The following CTNNA1 variants were observed in gnomAD, a reference collection of about 807,000 sequenced individuals.
The protein encoded by CTNNA1 is catenin alpha 1, also known as catenin alpha-1.
In CTNNA1, 37 loss-of-function variants were observed where a neutral mutation model predicts 98.4. The ratio of observed to expected loss-of-function variants is 0.38; its 90% CI spans 0.29 to 0.49. CTNNA1 has a LOEUF of 0.49. CTNNA1 is among the 20% of genes least tolerant of loss of function. CTNNA1 has a pLI of 0.95. For synonymous variants in CTNNA1, 404 were observed against 413.2 expected (o/e 0.98, Z 0.27); for missense variants, 761 against 1,147.2 (o/e 0.66, Z 4.86).
At chr5:138,813,997 A>G (rs1381397671) in intron 5 of CTNNA1, among the ~76,000 whole-genome samples, 1 of 152,214 alleles carries the variant, frequency 6.6e-6, no homozygotes, top group African/African-American at 2.4e-5. Context: ...CATTAGTATT[A>G]AAAATCTATG....
chr5:138,934,451 G>A lies in CTNNA1; in HGVS notation c.*362G>A, dbSNP rs1188525884. On this transcript the variant is annotated 3_prime_UTR_variant, in exon 18 of 18. Coordinates refer to ENST00000302763, the MANE Select transcript of CTNNA1 (RefSeq NM_001903.5). ...AAGGGAATTTGGCTCAACTTCAGTT[G>A]AGAGGGTGCAGTCCAGACAGCTTGA... 4.1e-6 allele frequency: 1 copy of A among 244,646 alleles called. No individual in the cohort carries two copies. Among genetic ancestry groups the A allele is most frequent in the Non-Finnish European group, 7.9e-6 (1 of 126,796 alleles). The allele number at this position is 244,646 out of a possible 1,614,324, so 15.2% of individuals were successfully genotyped here.
At chr5:138,842,526 C>T (rs550602091) in intron 7 of CTNNA1, among the ~76,000 whole-genome samples, 1 of 152,234 alleles carries the variant, frequency 6.6e-6, no homozygotes, top group African/African-American at 2.4e-5. Flanking sequence ...CTCTCACCTC[C>T]CTCACCTTTT....
At chr5:138,876,600 A>T (rs1751604635) in intron 7 of CTNNA1, among the ~76,000 whole-genome samples, 1 of 152,196 alleles carries the variant, frequency 6.6e-6, no homozygotes, top group South Asian at 2.1e-4. Flanking sequence ...TATCATTGGC[A>T]CTTACCCTTT....
intron 7 of CTNNA1, among the ~76,000 whole-genome samples, chr5:138,867,559 C>T (rs1468140090): frequency 1.3e-5 from 2 of 151,994 alleles, no homozygotes; most frequent in African/African-American, 4.8e-5. Context: ...GGATTTCCTC[C>T]CACCTGTGAT....
intron 5 of CTNNA1, among the ~76,000 whole-genome samples, chr5:138,819,852 G>C (rs1475073002): frequency 4.0e-5 from 6 of 149,764 alleles, no homozygotes; most frequent in Non-Finnish European, 7.4e-5. Context: ...TTGGATTGGC[G>C]GGGGGCGGGG....
At chr5:138,817,312 C>G (rs752995603) in intron 5 of CTNNA1, among the ~76,000 whole-genome samples, 1 of 152,152 alleles carries the variant, frequency 6.6e-6, no homozygotes, top group Non-Finnish European at 1.5e-5. Context: ...CACTTGCTGT[C>G]TTTAGAATTT....
At chr5:138,882,210 G>C (rs1215363290) in intron 7 of CTNNA1, among the ~76,000 whole-genome samples, 1 of 152,188 alleles carries the variant, frequency 6.6e-6, no homozygotes, top group African/African-American at 2.4e-5. Flanking sequence ...TTGAACTTAG[G>C]GCTGAGGTTG....
chr5:138,851,758 A>AAAAT (rs1289136630), intron 7 of CTNNA1, among the ~76,000 whole-genome samples: 2 of 147,132 alleles, frequency 1.4e-5, no homozygotes, highest in Non-Finnish European at 1.5e-5. Flanking sequence ...ACTTCGTCTC[A>AAAAT]AAATAAATAA....
Position 138,873,797 on chromosome 5 carries a change from A to G in CTNNA1, c.1063-12415A>G, listed in dbSNP as rs1750946869. ...ATTTCCAGTCAGGTCTAGCTTTTCT[A>G]AAGTGCCCCAGGTCCACTCCATCCC... On this transcript the variant is annotated intron_variant, in intron 7 of 17. Coordinates refer to ENST00000302763, the MANE Select transcript of CTNNA1 (RefSeq NM_001903.5). This position sits in a 1 kb window ranked among gnomAD's most constrained non-coding sequence, Gnocchi z 6.1. The G allele has an allele frequency of 6.2e-7, 1 of 1,614,000 alleles. No homozygotes were observed. The highest frequency in any genetic ancestry group is 1.3e-5 in the African/African-American group (1 of 75,038).
intron 7 of CTNNA1, chr5:138,875,838 G>C: frequency 1.7e-6 from 1 of 577,004 alleles, no homozygotes; most frequent in Non-Finnish European, 2.2e-6. Flanking sequence ...TAGATGTGTT[G>C]ATAAACTAGC....
intron 7 of CTNNA1, among the ~76,000 whole-genome samples, chr5:138,881,731 T>C (rs898276849): frequency 6.6e-6 from 1 of 151,734 alleles, no homozygotes; most frequent in Non-Finnish European, 1.5e-5. Flanking sequence ...CTGATTCTTA[T>C]TTGGTCTTGT....
At chr5:138,801,102 A>G (rs949403614) in intron 3 of CTNNA1, among the ~76,000 whole-genome samples, 16 of 152,230 alleles carry the variant, frequency 1.1e-4, no homozygotes, top group Non-Finnish European at 2.1e-4. Context: ...TTAGCATCGC[A>G]TGCAGATGCA....
chr5:138,869,298 T>G (rs753362265), intron 7 of CTNNA1: 6 of 152,062 alleles, frequency 3.9e-5, no homozygotes, highest in Non-Finnish European at 7.4e-5. Context: ...TTGGCCTTAT[T>G]CAAGTACTAT....
In CTNNA1 at chr5:138,901,314, C is replaced by T. The variant is rs1024099524; in HGVS notation, c.1297-3035C>T. Reference sequence around the variant, plus strand: ...CTGGGATTACAGGGGCGTGCCACCACGCTGGGCCAATTTTTGTATTTTTAG... The same window carrying T: ...CTGGGATTACAGGGGCGTGCCACCATGCTGGGCCAATTTTTGTATTTTTAG... On this transcript the variant is annotated intron_variant, in intron 9 of 17. Transcript: ENST00000302763. 4.6e-5 allele frequency among the ~76,000 whole-genome samples: 7 copies of T among 152,216 alleles called. No individual in the cohort carries two copies. The East Asian group carries it at 7.7e-4, about 17-fold the overall frequency.
intron 1 of CTNNA1, among the ~76,000 whole-genome samples, chr5:138,767,850 T>G (rs1300619936): frequency 6.6e-6 from 1 of 152,182 alleles, no homozygotes; most frequent in East Asian, 1.9e-4. Context: ...ACTGTCACAC[T>G]CAAGACCTTT....
At chr5:138,783,757 A>G (rs909603616) in intron 3 of CTNNA1, among the ~76,000 whole-genome samples, 2 of 152,222 alleles carry the variant, frequency 1.3e-5, no homozygotes, top group Non-Finnish European at 2.9e-5. Context: ...CATCCTGTGT[A>G]ATACTTCTTT....
At chr5:138,860,889 G>A (rs995597421) in intron 7 of CTNNA1, among the ~76,000 whole-genome samples, 4 of 152,082 alleles carry the variant, frequency 2.6e-5, no homozygotes, top group Non-Finnish European at 5.9e-5. Context: ...GTGGTGATGT[G>A]GTATTGTCCC....
intron 6 of CTNNA1, among the ~76,000 whole-genome samples, chr5:138,825,147 GT>G (rs1760517407): frequency 1.3e-5 from 2 of 152,128 alleles, no homozygotes; most frequent in Admixed American, 6.5e-5. Context: ...CTAAGTACAC[GT>G]AGGGTCAGCC....
At chr5:138,781,171 T>C (rs1229561398) in intron 1 of CTNNA1, among the ~76,000 whole-genome samples, 1 of 152,212 alleles carries the variant, frequency 6.6e-6, no homozygotes, top group African/African-American at 2.4e-5. Context: ...AAGTGAAGCA[T>C]ACCTTTTAGA....
Sources: gnomAD v4.1 joint callset for allele counts (sites outside exome capture counted in the v4.1 genomes callset) on GRCh38, gnomAD v4.1.1 for gene constraint, Gnocchi (gnomAD v3.1) non-coding constraint, MANE v1.5 for transcripts, NCBI Gene and HGNC (gene_info 2026-07-23, HGNC 2026-07-21) for gene names.